Variants in IPPK observed in about 807,000 individuals in gnomAD.
IPPK encodes the protein IPK1 homolog.
Under a neutral mutation model 64.6 loss-of-function variants are expected in IPPK, and 22 were observed. The ratio of observed to expected loss-of-function variants is 0.34; its 90% CI spans 0.24 to 0.49. The LOEUF is 0.49. Ranked by LOEUF, IPPK falls within the 20% of genes least tolerant of loss-of-function variation. The pLI, the probability that IPPK is intolerant of heterozygous loss-of-function variation, is 0.99. For synonymous variants in IPPK, 262 were observed against 247.2 expected (o/e 1.06, Z -0.56); for missense variants, 532 against 630.7 (o/e 0.84, Z 1.68).
rs750507582 is a variant in IPPK at position 92,634,395 on chromosome 9, C to T, written c.1161G>A (p.Ala387=). 7.4e-6 allele frequency: 12 copies of T among 1,611,652 alleles called. No homozygotes were observed. The highest frequency in any genetic ancestry group is 5.1e-6 in the Non-Finnish European group (6 of 1,177,734). Residue 387 remains alanine (A), a synonymous_variant, in exon 11 of 13, where the codon GCG becomes GCA. Transcript: ENST00000287996. The part of the protein sequence containing the change: ...STEDDGTVAF[A]LTKVQQYRVA... ...GGATGGGTCTGCCCACCTTCGTTAG[C>T]GCGAAGGCCACTGTCCCGTCATCCT...
chr9:92,626,193 T>C (rs146108168), intron 11 of IPPK, among the ~76,000 whole-genome samples: 5 of 152,076 alleles, frequency 3.3e-5, no homozygotes, highest in South Asian at 2.1e-4. Flanking sequence ...GTCAGGAGAT[T>C]GAGACCATCC....
At chr9:92,616,970 C>A (rs951276171) in intron 12 of IPPK, 4 of 152,332 alleles carry the variant, frequency 2.6e-5, no homozygotes, top group Admixed American at 1.3e-4. Context: ...AGAGGAAATA[C>A]TGATCAGCAC....
intron 9 of IPPK, among the ~76,000 whole-genome samples, chr9:92,636,192 G>A (rs1184932970): frequency 6.6e-6 from 1 of 152,240 alleles, no homozygotes; most frequent in Non-Finnish European, 1.5e-5. Context: ...AGGTGTCCAT[G>A]CAGGGGGAAA....
chr9:92,637,891 C>A, intron 9 of IPPK, 110 bp downstream of exon 9: 2 of 1,205,182 alleles, frequency 1.7e-6, no homozygotes, highest in Non-Finnish European at 2.2e-6. Flanking sequence ...CAGGTGGCAT[C>A]CCCCAGAGCC....
Position 92,639,956 on chromosome 9 carries a change from CGAG to C in IPPK, c.636+751_636+753del, listed in dbSNP as rs1852014922. 2.6e-5 allele frequency among the ~76,000 whole-genome samples: 4 copies of C among 152,288 alleles called. No individual in the cohort carries two copies. In the South Asian group the frequency reaches 8.3e-4, roughly 32 times the overall value. Reference sequence around the variant, plus strand: ...GCAGGACGCCAGCCATGTGCAGCAGCGAGGAGAGGGGCCAGGGCTTCCAGTTCA... The same window carrying C: ...GCAGGACGCCAGCCATGTGCAGCAGCGAGAGGGGCCAGGGCTTCCAGTTCA... On this transcript the variant is annotated intron_variant, in intron 8 of 12. Transcript: ENST00000287996.
intron 11 of IPPK, among the ~76,000 whole-genome samples, chr9:92,626,802 G>T (rs954977283): frequency 4.6e-5 from 7 of 151,704 alleles, no homozygotes; most frequent in African/African-American, 1.7e-4. Flanking sequence ...AGGTAGAGAA[G>T]ACCTTAAAAG....
chr9:92,631,535 G>C (rs769370124), intron 11 of IPPK, among the ~76,000 whole-genome samples: 8 of 152,152 alleles, frequency 5.3e-5, no homozygotes, highest in Non-Finnish European at 8.8e-5. Flanking sequence ...GTGTAGGAAG[G>C]AATGTCCTCA....
In IPPK at chr9:92,641,127, G is replaced by A. The variant is rs541409728; in HGVS notation, c.564-345C>T. ...CACAGCCCAACCCGAGACGGGTTAA[G>A]GGCTGCTATGCCTCCCTTGTTCCTC... On this transcript the variant is annotated intron_variant, in intron 7 of 12. Coordinates refer to ENST00000287996, the MANE Select transcript of IPPK (RefSeq NM_022755.6). Among the ~76,000 whole-genome samples the A allele has an allele frequency of 1.7e-4, 26 of 152,362 alleles. 1 individual carries two copies. The East Asian group carries it at 4.8e-3, about 28-fold the overall frequency.
intron 11 of IPPK, among the ~76,000 whole-genome samples, chr9:92,628,734 G>A (rs1170955751): frequency 2.0e-5 from 3 of 152,034 alleles, no homozygotes; most frequent in Admixed American, 6.5e-5. Context: ...AAAATTAGCC[G>A]GGCATGGTGG....
At chr9:92,659,182 A>ACG (rs1852431982) in intron 1 of IPPK, among the ~76,000 whole-genome samples, 2 of 152,350 alleles carry the variant, frequency 1.3e-5, no homozygotes, top group Non-Finnish European at 1.5e-5. Flanking sequence ...AATTCTATTT[A>ACG]TATAAAGTTC....
At chr9:92,634,786 C>T (rs1166802149) in intron 10 of IPPK, among the ~76,000 whole-genome samples, 2 of 152,168 alleles carry the variant, frequency 1.3e-5, no homozygotes, top group Non-Finnish European at 2.9e-5. Flanking sequence ...GACTGGACAC[C>T]GCGGGTGTGG....
intron 6 of IPPK, 87 bp from the exon 7 acceptor site, chr9:92,642,897 T>C (rs759572065): frequency 1.8e-5 from 18 of 1,013,294 alleles, no homozygotes; most frequent in Non-Finnish European, 2.7e-5. Context: ...GCATCAGTGA[T>C]GAAGACAATG....
At chr9:92,660,054 A>G (rs967374217) in intron 1 of IPPK, among the ~76,000 whole-genome samples, 1 of 152,156 alleles carries the variant, frequency 6.6e-6, no homozygotes, top group South Asian at 2.1e-4. Flanking sequence ...TAATGGAACT[A>G]TAATTCCACC....
intron 2 of IPPK, among the ~76,000 whole-genome samples, chr9:92,657,970 G>C (rs1228224245): frequency 2.0e-5 from 3 of 152,152 alleles, no homozygotes; most frequent in Non-Finnish European, 2.9e-5. Context: ...CAGTGGAACA[G>C]CCACCATCCA....
intron 11 of IPPK, 49 bp from the exon 12 acceptor site, chr9:92,619,614 C>A: frequency 2.7e-6 from 4 of 1,474,718 alleles, no homozygotes; most frequent in East Asian, 2.4e-5. Context: ...AAGCCTCTGC[C>A]CCCCCACACA....
At chr9:92,652,785 A>G in intron 3 of IPPK, 146 bp from the exon 4 acceptor site, 1 of 443,408 alleles carries the variant, frequency 2.3e-6, no homozygotes, top group Non-Finnish European at 4.0e-6. Flanking sequence ...ATTGCTTAAA[A>G]AAAAATCAGT....
intron 8 of IPPK, among the ~76,000 whole-genome samples, chr9:92,639,727 A>T (rs72756415): frequency 0.04 from 6,045 of 152,332 alleles, 185 homozygotes; most frequent in South Asian, 0.11. Flanking sequence ...TATCGAGTTT[A>T]TAAAAATAAA....
chr9:92,664,413 G>GTA (rs1425247497), intron 1 of IPPK, among the ~76,000 whole-genome samples: 1 of 152,230 alleles, frequency 6.6e-6, no homozygotes, highest in African/African-American at 2.4e-5. Flanking sequence ...TGGGGTCAGG[G>GTA]CGCAGTAAGT....
chr9:92,657,356 A>T (rs1050643841), intron 2 of IPPK, among the ~76,000 whole-genome samples: 3 of 152,056 alleles, frequency 2.0e-5, no homozygotes, highest in Non-Finnish European at 2.9e-5. Flanking sequence ...CTCAAAAAAA[A>T]AAAAATAAAG....
Sources: allele counts gnomAD v4.1 joint callset (sites outside exome capture counted in the v4.1 genomes callset), GRCh38; gene constraint gnomAD v4.1.1; transcripts MANE v1.5; gene names NCBI Gene and HGNC (gene_info 2026-07-23, HGNC 2026-07-21).